SLC4A5: variants seen among roughly 807,000 people sequenced by gnomAD.
SLC4A5 encodes solute carrier family 4 member 5, also known as electrogenic sodium bicarbonate cotransporter 4.
A neutral mutation model predicts 120.4 loss-of-function variants in SLC4A5; 96 were observed. That is an observed-to-expected ratio of 0.80 (90% confidence interval 0.68 to 0.94). SLC4A5 has a LOEUF of 0.94. Ranked by LOEUF, SLC4A5 falls within the 40% of genes least tolerant of loss-of-function variation. The pLI, the probability that SLC4A5 is intolerant of heterozygous loss-of-function variation, is 0.00. For missense variants in SLC4A5, 1,259 were observed against 1,459.5 expected (o/e 0.86, Z 2.24); for synonymous variants, 550 against 571.1 (o/e 0.96, Z 0.53).
rs762970667 is a variant in SLC4A5, at chr2:74,239,514, C to T, written c.2140G>A (p.Ala714Thr). The T allele has an allele frequency of 8.7e-6, 14 of 1,613,876 alleles. No individual in the cohort carries two copies. The South Asian group carries it at 1.2e-4, about 14-fold the overall frequency. ...TTGCTCAGCAGGGACCAGTCCAACG[C>T]TGTGAGGTTAAGGAGGTTGTACTTG... Residue 714 changes from alanine (A) to threonine (T), a missense_variant, in exon 21 of 31, where the codon GCG (alanine) becomes ACG (threonine). Ala to Thr is a moderately conservative substitution (Grantham distance 58, BLOSUM62 0). Transcript: ENST00000394019.
intron 6 of SLC4A5, chr2:74,307,561 C>T: frequency 1.5e-6 from 1 of 659,378 alleles, no homozygotes; most frequent in South Asian, 1.4e-5. Flanking sequence ...TCGATCTGCA[C>T]AATGTGGGCA....
chr2:74,308,044 G>A (rs1672700900), intron 6 of SLC4A5: 3 of 512,034 alleles, frequency 5.9e-6, no homozygotes, highest in Non-Finnish European at 1.2e-5. Flanking sequence ...AAAGGACTCA[G>A]GCTTTGCTGA....
At chr2:74,287,329 A>G (rs894263007) in intron 7 of SLC4A5, among the ~76,000 whole-genome samples, 1 of 151,938 alleles carries the variant, frequency 6.6e-6, no homozygotes, top group African/African-American at 2.4e-5. Context: ...TGGGGTGGGG[A>G]TGGCAGCACG....
intron 4 of SLC4A5, among the ~76,000 whole-genome samples, chr2:74,332,703 T>TTGTGTGTGTGTGTG (rs3834171): frequency 3.4e-5 from 5 of 148,200 alleles, no homozygotes; most frequent in African/African-American, 9.9e-5. Flanking sequence ...GGGTGTCCAT[T>TTGTGTGTGTGTGTG]TGTGTGTGTG....
At chr2:74,223,691 G>A (rs555527480) in intron 28 of SLC4A5, among the ~76,000 whole-genome samples, 1 of 152,288 alleles carries the variant, frequency 6.6e-6, no homozygotes, top group Admixed American at 6.5e-5. Context: ...GATATTTATT[G>A]AAAGTATCAA....
chr2:74,221,282 T>G (rs1391349796), intron 30 of SLC4A5, among the ~76,000 whole-genome samples, 152 bp downstream of exon 30: 1 of 152,204 alleles, frequency 6.6e-6, no homozygotes, highest in Non-Finnish European at 1.5e-5. Flanking sequence ...GAATGATGAG[T>G]CAGGTTTGTC....
chr2:74,333,078 C>T (rs911223259), intron 4 of SLC4A5, among the ~76,000 whole-genome samples: 2 of 152,152 alleles, frequency 1.3e-5, no homozygotes, highest in African/African-American at 4.8e-5. Flanking sequence ...TGTTCCTCAG[C>T]CACAGGTGTC....
At chr2:74,312,538 T>C (rs933458835) in intron 6 of SLC4A5, among the ~76,000 whole-genome samples, 20 of 152,168 alleles carry the variant, frequency 1.3e-4, no homozygotes, top group African/African-American at 7.2e-5. Context: ...CCTGTGTCTT[T>C]ATATTTAATG....
chr2:74,270,037 T>C (rs547478663), intron 8 of SLC4A5, among the ~76,000 whole-genome samples: 23 of 152,330 alleles, frequency 1.5e-4, no homozygotes, highest in African/African-American at 4.3e-4. Flanking sequence ...CACATGAGAA[T>C]AGCCTGCATA....
At chr2:74,322,773 T>A (rs374057637) in intron 5 of SLC4A5, among the ~76,000 whole-genome samples, 1 of 152,050 alleles carries the variant, frequency 6.6e-6, no homozygotes, top group East Asian at 1.9e-4. Context: ...ACAGAAAATA[T>A]CTGGGAAAAA....
chr2:74,236,207 G>A (rs534600849), intron 21 of SLC4A5, among the ~76,000 whole-genome samples: 1 of 152,194 alleles, frequency 6.6e-6, no homozygotes, highest in South Asian at 2.1e-4. Flanking sequence ...TAACTAATAT[G>A]CATATACTTT....
chr2:74,217,874 G>C (rs1325616313), exon 31 of SLC4A5: 1 of 152,312 alleles, frequency 6.6e-6, no homozygotes, highest in Non-Finnish European at 1.5e-5. Flanking sequence ...TGCCATCTCA[G>C]CTCACTGCAA....
At chr2:74,270,016 G>T (rs1671422908) in intron 8 of SLC4A5, among the ~76,000 whole-genome samples, 1 of 152,154 alleles carries the variant, frequency 6.6e-6, no homozygotes, top group African/African-American at 2.4e-5. Context: ...ACACAGACAA[G>T]GGCGATAACC....
exon 23 of SLC4A5, chr2:74,233,408 T>C: frequency 6.2e-7 from 1 of 1,614,220 alleles, no homozygotes; most frequent in Non-Finnish European, 8.5e-7. Flanking sequence ...TTACCTTCAG[T>C]TTGTTCTCCT....
At chr2:74,227,813 G>C in exon 26 of SLC4A5, 2 of 1,608,788 alleles carry the variant, frequency 1.2e-6, no homozygotes, top group South Asian at 2.2e-5. Flanking sequence ...GCCTTACCTG[G>C]ATGCCATTCA....
chr2:74,263,194 C>T (rs1425659776), intron 10 of SLC4A5, among the ~76,000 whole-genome samples: 1 of 152,198 alleles, frequency 6.6e-6, no homozygotes, highest in East Asian at 1.9e-4. Flanking sequence ...TGTGTGCCAC[C>T]ACACTTGGCT....
At chr2:74,279,424 T>C (rs1671742605) in intron 8 of SLC4A5, among the ~76,000 whole-genome samples, 1 of 152,142 alleles carries the variant, frequency 6.6e-6, no homozygotes, top group African/African-American at 2.4e-5. Flanking sequence ...ATTCCCCTCC[T>C]AACCTCCTGG....
intron 26 of SLC4A5, chr2:74,227,445 A>G (rs1694885018): frequency 6.4e-7 from 1 of 1,559,086 alleles, no homozygotes; most frequent in South Asian, 1.2e-5. Context: ...CAGTAAATAC[A>G]GAACAAAACA....
At chr2:74,232,377 G>C (rs1391976447) in intron 24 of SLC4A5, 92 bp downstream of exon 24, 1 of 1,475,396 alleles carries the variant, frequency 6.8e-7, no homozygotes, top group South Asian at 1.3e-5. Context: ...GGCCCTTTTT[G>C]TCCAAATCCT....
Sources: gnomAD v4.1 joint callset for allele counts (sites outside exome capture counted in the v4.1 genomes callset) on GRCh38, gnomAD v4.1.1 for gene constraint, MANE v1.5 for transcripts, NCBI Gene and HGNC (gene_info 2026-07-23, HGNC 2026-07-21) for gene names.